GSE1: variants seen among roughly 807,000 people sequenced by gnomAD.
The protein encoded by GSE1 is Gse1 coiled-coil protein.
A neutral mutation model predicts 112.6 loss-of-function variants in GSE1; 32 were observed. That is an observed-to-expected ratio of 0.28 (90% CI 0.21 to 0.38). The LOEUF (loss-of-function observed/expected upper bound fraction) is 0.38, where lower values mean the gene tolerates loss of function less well. Ranked by LOEUF, GSE1 falls within the 10% of genes least tolerant of loss-of-function variation. GSE1 has a pLI of 1.00. For synonymous variants in GSE1, 1,115 were observed against 735.6 expected, an observed-to-expected ratio of 1.52 and a Z score of -8.35; for missense variants, 2,348 against 1,699.2, an observed-to-expected ratio of 1.38 and a Z score of -6.71.
intron 2 of GSE1, among the ~76,000 whole-genome samples, chr16:85,492,751 ATTCT>A (rs113842234): frequency 0.18 from 26,826 of 151,940 alleles, 2,533 homozygotes; most frequent in African/African-American, 0.24. Flanking sequence ...TCCCTGGGGG[ATTCT>A]GACACATGAC....
In GSE1 at chr16:85,674,294, G is replaced by A. The variant is rs2053561752; in HGVS notation, c.*1755G>A. The A allele has an allele frequency of 6.6e-6, 1 of 152,276 alleles. No homozygotes were observed. The highest frequency in any genetic ancestry group is 2.4e-5 in the African/African-American group (1 of 41,474). The allele number at this position is 152,276 out of a possible 1,614,324, so 9.4% of individuals were successfully genotyped here. A position where few individuals can be genotyped will look rare whatever the true frequency, so the allele number is the denominator to read the frequency against. ...TATCTGCCCCCGCACAGTTTGCTTT[G>A]TACGTCTGCCAAGAATCTTCCAGTT... On this transcript the variant is annotated 3_prime_UTR_variant, in exon 16 of 16. Coordinates refer to ENST00000253458, the MANE Select transcript of GSE1 (RefSeq NM_014615.5).
At chr16:85,620,106 C>T (rs2048636243) in intron 1 of GSE1, among the ~76,000 whole-genome samples, 1 of 152,042 alleles carries the variant, frequency 6.6e-6, no homozygotes, top group East Asian at 1.9e-4. Context: ...GACCTCCTCT[C>T]TACAAAAAAT....
chr16:85,511,982 C>T (rs2051761878), intron 2 of GSE1, among the ~76,000 whole-genome samples: 3 of 152,216 alleles, frequency 2.0e-5, no homozygotes, highest in Admixed American at 6.5e-5. Context: ...TCCCCAGCCT[C>T]TCCCACTGCT....
At chr16:85,331,705 A>ATTT (rs2046375274) in intron 1 of GSE1, among the ~76,000 whole-genome samples, 1 of 52,864 alleles carries the variant, frequency 1.9e-5, no homozygotes, top group Non-Finnish European at 3.7e-5. Flanking sequence ...ATATATATAT[A>ATTT]TATTTTTTTT....
chr16:85,611,231 G>A (rs1334226513), upstream of GSE1, among the ~76,000 whole-genome samples: 1 of 152,140 alleles, frequency 6.6e-6, no homozygotes, highest in Non-Finnish European at 1.5e-5. Flanking sequence ...CTCGGGGCCA[G>A]TCGTCGTCCA....
chr16:85,309,110 G>A (rs755251255), intron 1 of GSE1, among the ~76,000 whole-genome samples: 2 of 151,468 alleles, frequency 1.3e-5, no homozygotes, highest in African/African-American at 2.4e-5. Flanking sequence ...GGTCTCAGCC[G>A]GTTTTGCACT....
chr16:85,402,291 G>A (rs920729923), intron 2 of GSE1, among the ~76,000 whole-genome samples: 35 of 152,346 alleles, frequency 2.3e-4, no homozygotes, highest in Middle Eastern at 3.4e-3. Flanking sequence ...AACCCAAGAC[G>A]CTGAGAAGCT....
rs537883661 is a variant in GSE1, at chr16:85,649,634, G to A, written c.426+883G>A. Among the ~76,000 whole-genome samples, 33 of 143,370 alleles carry A rather than the reference G, an allele frequency of 2.3e-4. 1 individual carries two copies. The South Asian group carries it at 5.7e-3, about 25-fold the overall frequency. The allele number at this position is 143,370 out of a possible 152,430, so 94.1% of individuals were successfully genotyped here. ...TCAGGTGGGTACCTGCAGCTCTCCC[G>A]GCCCCCCACCCCTGGCGCGCAGCCT... On this transcript the variant is annotated intron_variant, in intron 3 of 15. Coordinates refer to ENST00000253458, the MANE Select transcript of GSE1 (RefSeq NM_014615.5).
At chr16:85,362,310 C>T (rs556499954) in intron 2 of GSE1, among the ~76,000 whole-genome samples, 9 of 152,316 alleles carry the variant, frequency 5.9e-5, no homozygotes, top group Admixed American at 3.3e-4. Flanking sequence ...CCATCGCATG[C>T]AGTATAAAAT....
chr16:85,574,394 A>G (rs1385573978), intron 1 of GSE1, among the ~76,000 whole-genome samples: 1 of 151,996 alleles, frequency 6.6e-6, no homozygotes, highest in Non-Finnish European at 1.5e-5. Context: ...TCTTCTTGAC[A>G]CCCGGCTGGG....
At chr16:85,335,476 G>A (rs909348932) in intron 1 of GSE1, among the ~76,000 whole-genome samples, 2 of 150,840 alleles carry the variant, frequency 1.3e-5, no homozygotes, top group African/African-American at 5.0e-5. Context: ...GCCGTGCTGT[G>A]CGGGCTGGCA....
intron 1 of GSE1, among the ~76,000 whole-genome samples, chr16:85,561,826 G>A (rs2045535242): frequency 1.3e-5 from 2 of 152,202 alleles, no homozygotes; most frequent in African/African-American, 4.8e-5. Context: ...TCGGCCTGTG[G>A]GGGCCGCTGG....
intron 1 of GSE1, among the ~76,000 whole-genome samples, chr16:85,248,475 C>T (rs755174396): frequency 3.4e-4 from 51 of 151,754 alleles, no homozygotes; most frequent in African/African-American, 9.9e-4. Flanking sequence ...TTTTTCCCTC[C>T]GTCTTTCTCT....
intron 1 of GSE1, among the ~76,000 whole-genome samples, chr16:85,315,553 G>A (rs878952656): frequency 3.9e-5 from 6 of 152,176 alleles, no homozygotes; most frequent in South Asian, 4.2e-4. Context: ...CGTTCATTCC[G>A]TGGGACAGTG....
chr16:85,536,338 T>G (rs2044325743), intron 2 of GSE1, among the ~76,000 whole-genome samples: 2 of 152,128 alleles, frequency 1.3e-5, no homozygotes, highest in African/African-American at 4.8e-5. Context: ...ACAGTGGAGT[T>G]GGCTGCATGG....
chr16:85,622,115 G>A (rs1313935431), intron 1 of GSE1, among the ~76,000 whole-genome samples: 3 of 152,238 alleles, frequency 2.0e-5, no homozygotes, highest in Non-Finnish European at 4.4e-5. Context: ...GCAGTTGACA[G>A]GATGATTGTG....
At chr16:85,301,566 C>A (rs766119075) in intron 1 of GSE1, among the ~76,000 whole-genome samples, 2 of 152,260 alleles carry the variant, frequency 1.3e-5, no homozygotes, top group African/African-American at 2.4e-5. Context: ...AGGAAAGTTG[C>A]TGGGGCCAGT....
intron 2 of GSE1, among the ~76,000 whole-genome samples, chr16:85,548,052 G>A (rs182775685): frequency 2.4e-4 from 36 of 151,420 alleles, no homozygotes; most frequent in East Asian, 5.8e-4. Flanking sequence ...ATGGTGAAAC[G>A]CTGTCTCTAC....
Position 85,197,770 on chromosome 16 carries a change from C to G in GSE1, c.2283+25963C>G, listed in dbSNP as rs530170975. ...CCCATCTCCTCGTTGGCCAAGGGACCTAGAGGGGCAGTCCCCTCCTGCACG... is the reference window on the plus strand; with the variant it reads ...CCCATCTCCTCGTTGGCCAAGGGACGTAGAGGGGCAGTCCCCTCCTGCACG... On this transcript the variant is annotated intron_variant, in intron 1 of 2. Coordinates refer to the GSE1 transcript ENST00000637419. 5.3e-5 allele frequency among the ~76,000 whole-genome samples: 8 copies of G among 152,312 alleles called. No individual in the cohort carries two copies. The South Asian group carries it at 8.3e-4, about 16-fold the overall frequency.
Sources: gnomAD v4.1 joint callset for allele counts (sites outside exome capture counted in the v4.1 genomes callset) on GRCh38, gnomAD v4.1.1 for gene constraint, MANE v1.5 for transcripts, NCBI Gene and HGNC (gene_info 2026-07-23, HGNC 2026-07-21) for gene names.